Variants in TMEM91 observed in about 807,000 individuals in gnomAD.
TMEM91 encodes transmembrane protein 91, also known as dispanin subfamily C member 3.
Under a neutral mutation model 13.3 loss-of-function variants are expected in TMEM91, and 6 were observed. That is an observed-to-expected ratio of 0.45 (90% CI 0.25 to 0.89). The LOEUF is 0.89. TMEM91 is among the 40% of genes least tolerant of loss of function. The probability of loss-of-function intolerance (pLI) is 0.19; values close to 1 mark genes in which losing one functional copy is unlikely to be tolerated. For synonymous variants in TMEM91, 87 were observed against 101.7 expected, an observed-to-expected ratio of 0.86 and a Z score of 0.87; for missense variants, 193 against 228.7, an observed-to-expected ratio of 0.84 and a Z score of 1.01.
chr19:41,380,895 C>CA (rs2123200701), intron 2 of TMEM91, among the ~76,000 whole-genome samples: 1 of 106,764 alleles, frequency 9.4e-6, no homozygotes, highest in East Asian at 2.7e-4. Context: ...GCCTGGGCAA[C>CA]AGAGTGAAAC....
chr19:41,378,324 T>A lies in TMEM91; in HGVS notation c.15T>A (p.Ser5Arg). The stretch of plus-strand genomic sequence containing the variant: ...TCCCCAAAGCCATGGACAGCCCTAG[T>A]CTTCGTGAGCTTCAACAGCCTCTGC... Reference protein sequence around the residue: MDSPSLRELQQPLLE... With the variant: MDSPRLRELQQPLLE... The change falls in exon 2 of 4, where the codon AGT becomes AGA. Residue 5 changes from serine to arginine, a missense_variant. Ser to Arg is a moderately radical substitution (Grantham distance 110, BLOSUM62 -1). Coordinates refer to ENST00000392002, the MANE Select transcript of TMEM91 (RefSeq NM_001098821.2). 6.2e-7 allele frequency: 1 copy of A among 1,614,140 alleles called. No individual in the cohort carries two copies. Among genetic ancestry groups the A allele is most frequent in the Non-Finnish European group, 8.5e-7 (1 of 1,179,994 alleles).
intron 1 of TMEM91, among the ~76,000 whole-genome samples, chr19:41,368,480 G>A (rs2038564425): frequency 2.0e-5 from 3 of 151,856 alleles, no homozygotes. Flanking sequence ...GTGGGCCAGG[G>A]CTCACAGCAA....
intron 1 of TMEM91, among the ~76,000 whole-genome samples, chr19:41,370,819 C>T (rs1308232847): frequency 6.6e-6 from 1 of 152,130 alleles, no homozygotes; most frequent in African/African-American, 2.4e-5. Context: ...TCTCCTGCCT[C>T]AGCCTCCCAA....
intron 3 of TMEM91, chr19:41,383,348 C>T: frequency 1.9e-6 from 1 of 528,876 alleles, no homozygotes; most frequent in East Asian, 4.2e-5. Context: ...GCCACGGTGC[C>T]CAGCTCTCTG....
At chr19:41,375,843 C>T (rs1042827676), upstream of TMEM91, among the ~76,000 whole-genome samples, 1 of 150,778 alleles carries the variant, frequency 6.6e-6, no homozygotes, top group Non-Finnish European at 1.5e-5. Context: ...AAAAATCTGC[C>T]GGGCGCGGTG....
intron 1 of TMEM91, among the ~76,000 whole-genome samples, chr19:41,365,707 GTTTTT>G (rs3061204): frequency 4.3e-5 from 3 of 69,668 alleles, no homozygotes; most frequent in Admixed American, 1.7e-4. Context: ...GACCGGCCGG[GTTTTT>G]TTTTTTTTTT....
intron 1 of TMEM91, among the ~76,000 whole-genome samples, chr19:41,369,978 AAC>A (rs2038587781): frequency 6.6e-6 from 1 of 152,286 alleles, no homozygotes; most frequent in East Asian, 1.9e-4. Flanking sequence ...TTGCAAAGTA[AAC>A]ACATTTTTGA....
chr19:41,370,588 G>A (rs1368134619), intron 1 of TMEM91, among the ~76,000 whole-genome samples: 1 of 151,730 alleles, frequency 6.6e-6, no homozygotes, highest in Non-Finnish European at 1.5e-5. Flanking sequence ...TGTATTTTTA[G>A]TAGAGACGGG....
intron 1 of TMEM91, among the ~76,000 whole-genome samples, chr19:41,377,790 C>A (rs1292281737): frequency 1.3e-5 from 2 of 151,698 alleles, no homozygotes; most frequent in Admixed American, 1.3e-4. Flanking sequence ...GCTGGTGGAT[C>A]CCCTAAGGTC....
At chr19:41,378,098 A>T (rs1342906184) in intron 1 of TMEM91, among the ~76,000 whole-genome samples, 183 bp from the exon 2 acceptor site, 2 of 151,034 alleles carry the variant, frequency 1.3e-5, no homozygotes, top group Non-Finnish European at 2.9e-5. Flanking sequence ...CAGACCCCTG[A>T]GTTCTCTTCA....
rs374369488 is a variant in TMEM91 at position 41,378,478 on chromosome 19, G to C, written c.169G>C (p.Val57Leu). The C allele has an allele frequency of 1.2e-5, 19 of 1,613,990 alleles. No individual in the cohort carries two copies. In the African/African-American group the frequency reaches 1.6e-4, roughly 14 times the overall value. The stretch of plus-strand genomic sequence containing the variant: ...GTTCCTGTCACCGCCTCTTCCCTCC[G>C]TGAGCGCTGGCCTGGGGGAACCAAG... ...LQFLSPPLPS[V>L]SAGLGEPRPP... Residue 57 changes from valine (V) to leucine (L), a missense_variant, in exon 2 of 4, where the codon GTG becomes CTG. Physicochemically the swap from Val to Leu is conservative, Grantham distance 32. Transcript: ENST00000392002.
intron 3 of TMEM91, chr19:41,383,198 C>T (rs1346088482): frequency 2.1e-5 from 10 of 469,346 alleles, no homozygotes; most frequent in South Asian, 4.7e-5. Context: ...GGATTAGAGG[C>T]GCGCGCTACC....
At chr19:41,379,691 AAGC>A (rs551810371) in intron 2 of TMEM91, among the ~76,000 whole-genome samples, 10 of 151,390 alleles carry the variant, frequency 6.6e-5, no homozygotes, top group South Asian at 6.3e-4. Context: ...AGGAAGGAGA[AAGC>A]AGAAAGAAAG....
At chr19:41,376,910 T>C (rs941523354) in intron 1 of TMEM91, 56 bp downstream of exon 1, 1 of 151,484 alleles carries the variant, frequency 6.6e-6, no homozygotes, top group African/African-American at 2.4e-5. Flanking sequence ...GGTCCTGGAG[T>C]TGGGGATGAG....
At chr19:41,381,391 C>T (rs2038883766) in intron 2 of TMEM91, among the ~76,000 whole-genome samples, 1 of 140,264 alleles carries the variant, frequency 7.1e-6, no homozygotes, top group Admixed American at 7.3e-5. Context: ...GATGGAGTCT[C>T]ACTCTGTCGC....
chr19:41,365,063 A>G (rs1442771470), intron 1 of TMEM91, among the ~76,000 whole-genome samples: 4 of 150,306 alleles, frequency 2.7e-5, no homozygotes, highest in African/African-American at 7.4e-5. Context: ...TTTTTTTAAG[A>G]GATGGAGTCC....
At chr19:41,365,707 G>GTTT (rs3061204) in intron 1 of TMEM91, among the ~76,000 whole-genome samples, 11 of 69,676 alleles carry the variant, frequency 1.6e-4, no homozygotes, top group South Asian at 5.0e-4. Context: ...GACCGGCCGG[G>GTTT]TTTTTTTTTT....
Position 41,378,491 on chromosome 19 carries a change from T to TG in TMEM91, c.187dup (p.Glu63GlyfsTer6). 1 of 1,614,054 alleles carries TG rather than the reference T, an allele frequency of 6.2e-7. No individual in the cohort carries two copies. Among genetic ancestry groups the TG allele is most frequent in the South Asian group, 1.1e-5 (1 of 91,082 alleles). On this transcript the variant is annotated frameshift_variant, in exon 2 of 4. Transcript: ENST00000392002. LOFTEE classifies it high-confidence loss of function. ...CCTCTTCCCTCCGTGAGCGCTGGCC[T>TG]GGGGGAACCAAGGCCCCCTGATGTT...
intron 3 of TMEM91, 75 bp downstream of exon 3, chr19:41,382,996 T>C: frequency 6.4e-7 from 1 of 1,562,378 alleles, no homozygotes; most frequent in Admixed American, 1.9e-5. Flanking sequence ...AAGAGCCATA[T>C]ACCTGAGGCG....
Sources: allele counts gnomAD v4.1 joint callset (sites outside exome capture counted in the v4.1 genomes callset), GRCh38; gene constraint gnomAD v4.1.1; transcripts MANE v1.5; gene names NCBI Gene and HGNC (gene_info 2026-07-23, HGNC 2026-07-21).